Variants in LSAMP observed in about 807,000 individuals in gnomAD.
LSAMP encodes limbic system associated membrane protein, also known as limbic system-associated membrane protein.
Under a neutral mutation model 38.6 loss-of-function variants are expected in LSAMP, and 7 were observed. The ratio of observed to expected loss-of-function variants is 0.18; its 90% CI spans 0.10 to 0.34. The LOEUF is 0.34. Ranked by LOEUF, LSAMP falls within the 10% of genes least tolerant of loss-of-function variation. The pLI, the probability that LSAMP is intolerant of heterozygous loss-of-function variation, is 1.00. For synonymous variants in LSAMP, 154 were observed against 166.8 expected (o/e 0.92, Z 0.59); for missense variants, 313 against 420.0 (o/e 0.75, Z 2.23).
chr3:116,043,340 A>G (rs909839632), intron 2 of LSAMP, among the ~76,000 whole-genome samples: 4 of 152,214 alleles, frequency 2.6e-5, no homozygotes, highest in African/African-American at 9.7e-5. Flanking sequence ...GTGAAACATG[A>G]TAATTCTGGC....
intron 1 of LSAMP, among the ~76,000 whole-genome samples, chr3:116,103,509 T>C (rs1218375956): frequency 6.8e-6 from 1 of 146,256 alleles, no homozygotes; most frequent in Non-Finnish European, 1.5e-5. Context: ...GTACATATCA[T>C]ATATTTTTGT....
chr3:115,814,629 T>C (rs1478483106), intron 6 of LSAMP, among the ~76,000 whole-genome samples: 1 of 152,208 alleles, frequency 6.6e-6, no homozygotes, highest in African/African-American at 2.4e-5. Flanking sequence ...AAAGGGGTTG[T>C]CAATTATGCT....
At chr3:116,054,453 G>T (rs559066875) in intron 2 of LSAMP, among the ~76,000 whole-genome samples, 4 of 152,096 alleles carry the variant, frequency 2.6e-5, no homozygotes, top group Admixed American at 6.6e-5. Flanking sequence ...TTAGCCCAGA[G>T]AATAAAGCAG....
intron 4 of LSAMP, among the ~76,000 whole-genome samples, chr3:115,843,091 A>T (rs1306479117): frequency 6.6e-6 from 1 of 151,634 alleles, no homozygotes; most frequent in Non-Finnish European, 1.5e-5. Flanking sequence ...AGGATTCAGA[A>T]ACAAACAAAC....
chr3:116,171,042 C>G (rs1302655763), intron 1 of LSAMP, among the ~76,000 whole-genome samples: 1 of 152,086 alleles, frequency 6.6e-6, no homozygotes, highest in African/African-American at 2.4e-5. Context: ...AATAAGATGA[C>G]TTGAGTTTGA....
chr3:116,110,462 TC>T (rs1463347609), intron 1 of LSAMP, among the ~76,000 whole-genome samples: 1 of 152,178 alleles, frequency 6.6e-6, no homozygotes. Context: ...AAGGCTGCCT[TC>T]CCAGTCTGTG....
At chr3:116,299,912 C>T (rs80019305) in intron 1 of LSAMP, among the ~76,000 whole-genome samples, 31 of 152,176 alleles carry the variant, frequency 2.0e-4, no homozygotes, top group Non-Finnish European at 4.1e-4. Flanking sequence ...AAGCATTGAG[C>T]CTGACAGCTC....
intron 1 of LSAMP, among the ~76,000 whole-genome samples, chr3:116,313,694 C>T (rs2047589131): frequency 6.6e-6 from 1 of 152,236 alleles, no homozygotes; most frequent in Non-Finnish European, 1.5e-5. Flanking sequence ...TGGCCCACAC[C>T]TATCATCCCA....
intron 1 of LSAMP, among the ~76,000 whole-genome samples, chr3:116,403,225 G>A (rs1358058519): frequency 2.6e-5 from 4 of 152,178 alleles, no homozygotes; most frequent in Admixed American, 1.3e-4. Context: ...ATAAACTAAT[G>A]CTAATAGTAA....
chr3:116,296,942 G>A (rs1031906128), intron 1 of LSAMP, among the ~76,000 whole-genome samples: 2 of 152,108 alleles, frequency 1.3e-5, no homozygotes, highest in African/African-American at 4.8e-5. Flanking sequence ...CATAGTTTTA[G>A]GGGCTGATCT....
chr3:116,055,032 G>C (rs779137827), intron 2 of LSAMP, among the ~76,000 whole-genome samples: 16 of 152,198 alleles, frequency 1.1e-4, no homozygotes, highest in Non-Finnish European at 1.9e-4. Flanking sequence ...ACATAAGAAA[G>C]TAGTACAAAG....
intron 2 of LSAMP, among the ~76,000 whole-genome samples, chr3:116,029,770 T>C (rs1940877745): frequency 6.6e-6 from 1 of 152,112 alleles, no homozygotes; most frequent in African/African-American, 2.4e-5. Context: ...AAGCTTCAGT[T>C]ATGTAGTCCT....
chr3:116,096,080 G>T (rs1214576012), intron 1 of LSAMP, among the ~76,000 whole-genome samples: 1 of 151,984 alleles, frequency 6.6e-6, no homozygotes, highest in Admixed American at 6.6e-5. Flanking sequence ...ACCTTGTTTG[G>T]CACTCGTAAT....
intron 1 of LSAMP, among the ~76,000 whole-genome samples, chr3:116,272,277 C>T (rs1410806119): frequency 6.6e-6 from 1 of 152,078 alleles, no homozygotes; most frequent in African/African-American, 2.4e-5. Context: ...ACTGAGACAA[C>T]TAATTCAGTA....
At chr3:116,111,478 A>C (rs1708614228) in intron 1 of LSAMP, among the ~76,000 whole-genome samples, 1 of 152,184 alleles carries the variant, frequency 6.6e-6, no homozygotes, top group African/African-American at 2.4e-5. Context: ...GAGTGTTCAA[A>C]GGTTTATTTA....
chr3:116,104,175 C>G (rs1708411315), intron 1 of LSAMP, among the ~76,000 whole-genome samples: 2 of 152,200 alleles, frequency 1.3e-5, no homozygotes. Context: ...ATTTCAAAAC[C>G]TTTCTGGCAG....
chr3:116,088,303 G>A (rs1471456112), intron 1 of LSAMP, among the ~76,000 whole-genome samples: 1 of 152,102 alleles, frequency 6.6e-6, no homozygotes, highest in East Asian at 1.9e-4. Context: ...CCATTTCCCA[G>A]TATGTGCTTC....
At chr3:116,383,735 T>G (rs2048591457) in intron 1 of LSAMP, among the ~76,000 whole-genome samples, 1 of 152,072 alleles carries the variant, frequency 6.6e-6, no homozygotes, top group Admixed American at 6.6e-5. Flanking sequence ...AATAGAAAAG[T>G]AGATATAAAG....
intron 1 of LSAMP, among the ~76,000 whole-genome samples, chr3:116,426,673 G>A (rs2049200501): frequency 6.6e-6 from 1 of 151,986 alleles, no homozygotes; most frequent in South Asian, 2.1e-4. Flanking sequence ...AGCACAATAG[G>A]GAAACCAAAT....
Sources: gnomAD v4.1 joint callset for allele counts (sites outside exome capture counted in the v4.1 genomes callset) on GRCh38, gnomAD v4.1.1 for gene constraint, MANE v1.5 for transcripts, NCBI Gene and HGNC (gene_info 2026-07-23, HGNC 2026-07-21) for gene names.